Variants in TMTC1 observed in about 807,000 individuals in gnomAD.
The protein encoded by TMTC1 is protein O-mannosyl-transferase TMTC1.
A neutral mutation model predicts 104.8 loss-of-function variants in TMTC1; 73 were observed. The observed-to-expected ratio is 0.70, with a 90% CI of 0.58 to 0.85. The LOEUF (loss-of-function observed/expected upper bound fraction) is 0.85. TMTC1 is among the 40% of genes least tolerant of loss of function. TMTC1 has a pLI of 0.00. For missense variants in TMTC1, 1,035 were observed against 1,096.1 expected (o/e 0.94, Z 0.79); for synonymous variants, 434 against 428.7 (o/e 1.01, Z -0.15).
At chr12:29,610,383 ATCTGAGAGAGC>A (rs1419030335) in intron 6 of TMTC1, among the ~76,000 whole-genome samples, 18 of 152,202 alleles carry the variant, frequency 1.2e-4, no homozygotes, top group African/African-American at 3.4e-4. Flanking sequence ...ACCAACATCA[ATCTGAGAGAGC>A]TCTGTTATCT....
chr12:29,630,282 C>T (rs1938229852), intron 6 of TMTC1, among the ~76,000 whole-genome samples: 1 of 152,106 alleles, frequency 6.6e-6, no homozygotes, highest in Non-Finnish European at 1.5e-5. Context: ...CTTCAGGAAA[C>T]TTACAATCAT....
At chr12:29,780,825 T>A (rs1255104615) in intron 1 of TMTC1, among the ~76,000 whole-genome samples, 3 of 152,176 alleles carry the variant, frequency 2.0e-5, no homozygotes, top group African/African-American at 7.2e-5. Context: ...TAAAACTGCA[T>A]GGGAATGCAC....
chr12:29,650,079 TTTC>T (rs1939443823), intron 5 of TMTC1, among the ~76,000 whole-genome samples: 1 of 151,874 alleles, frequency 6.6e-6, no homozygotes, highest in Non-Finnish European at 1.5e-5. Flanking sequence ...CTTTTTTTCT[TTTC>T]TTTTCTTTTT....
intron 1 of TMTC1, among the ~76,000 whole-genome samples, chr12:29,782,317 T>C (rs1943852543): frequency 6.6e-6 from 1 of 152,228 alleles, no homozygotes; most frequent in Non-Finnish European, 1.5e-5. Flanking sequence ...CCATGAATTG[T>C]TGCCGATTGC....
At chr12:29,695,303 G>A (rs977171196) in intron 5 of TMTC1, among the ~76,000 whole-genome samples, 9 of 151,950 alleles carry the variant, frequency 5.9e-5, no homozygotes, top group African/African-American at 9.7e-5. Flanking sequence ...ACATCCACAG[G>A]TTTTTGTTTG....
intron 5 of TMTC1, among the ~76,000 whole-genome samples, chr12:29,723,699 C>T (rs1406012769): frequency 6.6e-6 from 1 of 152,028 alleles, no homozygotes; most frequent in Non-Finnish European, 1.5e-5. Context: ...CAAAGCAAGA[C>T]CCTGTCTCTA....
chr12:29,663,295 G>A (rs1032033831), intron 5 of TMTC1, among the ~76,000 whole-genome samples: 3 of 152,184 alleles, frequency 2.0e-5, no homozygotes, highest in African/African-American at 7.2e-5. Flanking sequence ...CAGCAGAAAG[G>A]CAAAGAGAAT....
chr12:29,555,552 A>G (rs1055180270), intron 10 of TMTC1, among the ~76,000 whole-genome samples: 20 of 150,648 alleles, frequency 1.3e-4, no homozygotes, highest in African/African-American at 4.9e-4. Flanking sequence ...TCAACTCCCA[A>G]TTATGAGTGA....
chr12:29,627,506 C>T (rs1319455479), intron 6 of TMTC1, among the ~76,000 whole-genome samples: 1 of 152,032 alleles, frequency 6.6e-6, no homozygotes, highest in Non-Finnish European at 1.5e-5. Flanking sequence ...TTGTACATTG[C>T]TGGAGGGAAT....
intron 10 of TMTC1, among the ~76,000 whole-genome samples, chr12:29,552,168 A>G (rs1945123509): frequency 6.6e-6 from 1 of 152,206 alleles, no homozygotes; most frequent in South Asian, 2.1e-4. Flanking sequence ...TGTGTTGTAC[A>G]ATATAGTAGC....
chr12:29,625,253 G>A (rs1026364673), intron 6 of TMTC1, among the ~76,000 whole-genome samples: 2 of 152,114 alleles, frequency 1.3e-5, no homozygotes, highest in African/African-American at 2.4e-5. Flanking sequence ...TACTGCCTCA[G>A]ATTCAAAGCC....
rs1353123610 is a variant in TMTC1 at position 29,783,168 on chromosome 12, C to T, written c.302+282G>A. On this transcript the variant is annotated intron_variant, in intron 1 of 17. Transcript: ENST00000539277. This position sits in a 1 kb window ranked among gnomAD's most constrained non-coding sequence, Gnocchi z 4.7. The stretch of plus-strand genomic sequence containing the variant: ...GGAGGCGGTTTCACCAGCCCGCTCC[C>T]AGCCCTGCCTCGAGAGAGAAGCCCG... The T allele has an allele frequency of 2.8e-6, 1 of 358,478 alleles. No individual in the cohort carries two copies. Among genetic ancestry groups the T allele is most frequent in the Non-Finnish European group, 5.0e-6 (1 of 200,938 alleles). The allele number at this position is 358,478 out of a possible 1,614,324, so 22.2% of individuals were successfully genotyped here. A position where few individuals can be genotyped will look rare whatever the true frequency, so the allele number is the denominator to read the frequency against.
intron 5 of TMTC1, among the ~76,000 whole-genome samples, chr12:29,704,603 T>C (rs1235143128): frequency 3.3e-5 from 5 of 152,202 alleles, no homozygotes; most frequent in Non-Finnish European, 7.4e-5. Context: ...CCTAATCTAA[T>C]ACACTGAAAT....
At chr12:29,600,809 T>G (rs1592300172) in intron 7 of TMTC1, among the ~76,000 whole-genome samples, 2 of 152,116 alleles carry the variant, frequency 1.3e-5, no homozygotes, top group East Asian at 3.9e-4. Flanking sequence ...GAAAGTAGCC[T>G]GGCTGGGATG....
At chr12:29,625,557 C>T (rs1385172487) in intron 6 of TMTC1, among the ~76,000 whole-genome samples, 1 of 152,202 alleles carries the variant, frequency 6.6e-6, no homozygotes, top group Non-Finnish European at 1.5e-5. Context: ...TACAGAAGAG[C>T]TCAATCTTAA....
chr12:29,623,188 A>G (rs1052936996), intron 6 of TMTC1, among the ~76,000 whole-genome samples: 14 of 152,228 alleles, frequency 9.2e-5, no homozygotes, highest in Non-Finnish European at 1.8e-4. Flanking sequence ...CATAGTTATA[A>G]AAATGTAGAG....
intron 5 of TMTC1, among the ~76,000 whole-genome samples, chr12:29,652,010 A>C (rs1939544766): frequency 6.6e-6 from 1 of 152,098 alleles, no homozygotes; most frequent in African/African-American, 2.4e-5. Flanking sequence ...CTGTGATGTA[A>C]CTCTGCTTTT....
At chr12:29,510,477 G>A (rs745575450) in intron 17 of TMTC1, among the ~76,000 whole-genome samples, 3 of 152,112 alleles carry the variant, frequency 2.0e-5, no homozygotes, top group Non-Finnish European at 4.4e-5. Context: ...ATGTTTCCCA[G>A]CTAGATACTA....
chr12:29,652,322 G>A (rs1182314550), intron 5 of TMTC1, among the ~76,000 whole-genome samples: 1 of 152,156 alleles, frequency 6.6e-6, no homozygotes, highest in Non-Finnish European at 1.5e-5. Context: ...AAATCTCAAA[G>A]AGGAAGACCC....
Sources: allele counts gnomAD v4.1 joint callset (sites outside exome capture counted in the v4.1 genomes callset), GRCh38; gene constraint gnomAD v4.1.1; non-coding constraint Gnocchi (gnomAD v3.1); transcripts MANE v1.5; gene names NCBI Gene and HGNC (gene_info 2026-07-23, HGNC 2026-07-21).